Variants in LRP6 observed in about 807,000 individuals in gnomAD.
LRP6 encodes LDL receptor related protein 6.
LRP6 carries 43 observed loss-of-function variants against 184.1 expected under a neutral mutation model. The observed-to-expected ratio is 0.23, with a 90% confidence interval of 0.18 to 0.30. The LOEUF (loss-of-function observed/expected upper bound fraction) is 0.30, where lower values mean the gene tolerates loss of function less well. Among genes scored for constraint, LRP6 ranks in the 10% least tolerant of loss-of-function variants. LRP6 has a pLI of 1.00. For synonymous variants in LRP6, 719 were observed against 684.9 expected (o/e 1.05, Z -0.78); for missense variants, 1,571 against 2,005.3 (o/e 0.78, Z 4.14).
At chr12:12,186,508 G>A (rs910694295) in intron 4 of LRP6, among the ~76,000 whole-genome samples, 23 of 148,372 alleles carry the variant, frequency 1.6e-4, no homozygotes, top group Admixed American at 1.1e-3. Context: ...CCTCCCAAGC[G>A]GCTGGGACTA....
chr12:12,199,293 C>G (rs1238138297), intron 3 of LRP6, among the ~76,000 whole-genome samples: 1 of 152,058 alleles, frequency 6.6e-6, no homozygotes, highest in Admixed American at 6.6e-5. Flanking sequence ...AAAAGCAGCT[C>G]TGTCAACTAG....
intron 2 of LRP6, among the ~76,000 whole-genome samples, chr12:12,230,727 C>T (rs1565684083): frequency 6.6e-6 from 1 of 152,184 alleles, no homozygotes; most frequent in East Asian, 1.9e-4. Context: ...AAAAAGACAA[C>T]CAGAAAATAC....
intron 2 of LRP6, among the ~76,000 whole-genome samples, chr12:12,204,581 T>G (rs975627875): frequency 6.6e-6 from 1 of 151,992 alleles, no homozygotes; most frequent in Admixed American, 6.5e-5. Context: ...AAATGAGAAG[T>G]CTAAAAGTCT....
chr12:12,263,996 TG>T (rs201385871), intron 1 of LRP6, among the ~76,000 whole-genome samples: 6,255 of 151,822 alleles, frequency 0.041, 178 homozygotes, highest in Middle Eastern at 0.16. Context: ...TACAAAAAAT[TG>T]GGGGCATAGT....
At chr12:12,156,749 T>G (rs1862589829) in intron 12 of LRP6, among the ~76,000 whole-genome samples, 1 of 152,230 alleles carries the variant, frequency 6.6e-6, no homozygotes, top group South Asian at 2.1e-4. Context: ...CTAATCTCTG[T>G]CTTCGTGCCT....
rs1949534567 is a variant in LRP6 at position 12,117,515 on chromosome 12, G to A, written c.*3611C>T. The A allele has an allele frequency of 6.6e-6, 1 of 152,146 alleles. No homozygotes were observed. The highest frequency in any genetic ancestry group is 1.5e-5 in the Non-Finnish European group (1 of 68,008). 9.4% of individuals were successfully genotyped at this position (152,146 alleles called of 1,614,324 possible). ...CTATGGCATGCAAATGAATGAAGTGGGACAAAGCTTCCCCTACAAGAAATA... is the reference window on the plus strand; with the variant it reads ...CTATGGCATGCAAATGAATGAAGTGAGACAAAGCTTCCCCTACAAGAAATA... On this transcript the variant is annotated 3_prime_UTR_variant, in exon 23 of 23. Transcript: ENST00000261349.
rs756615528 is a variant in LRP6, at chr12:12,159,076, C to T, written c.2544G>A (p.Thr848=). The part of the protein sequence containing the change: ...LTQYQDYIYW[T]DWSRRSIERA... ...GCTCAATGCTGCGTCGGCTCCAGTC[C>T]GTCCAGTAGATATAATCTTGGTACT... is the stretch of plus-strand genomic sequence containing the variant. The change falls in exon 12 of 23, where the codon ACG becomes ACA. Residue 848 remains threonine (T), a synonymous_variant. Transcript: ENST00000261349. The T allele has an allele frequency of 2.0e-5, 32 of 1,613,970 alleles. No individual in the cohort carries two copies. The Admixed American group carries it at 3.5e-4, about 18-fold the overall frequency.
intron 1 of LRP6, among the ~76,000 whole-genome samples, chr12:12,256,542 T>G (rs545107484): frequency 6.6e-6 from 1 of 152,076 alleles, no homozygotes; most frequent in East Asian, 1.9e-4. Context: ...GAGTGGTGGC[T>G]CATGCCTGTA....
chr12:12,209,646 G>A (rs181668894), intron 2 of LRP6, among the ~76,000 whole-genome samples: 37 of 152,110 alleles, frequency 2.4e-4, no homozygotes, highest in African/African-American at 8.2e-4. Flanking sequence ...AAATGTAACC[G>A]AAAAAGCGAT....
chr12:12,208,669 C>T (rs184797043), intron 2 of LRP6, among the ~76,000 whole-genome samples: 79 of 152,222 alleles, frequency 5.2e-4, no homozygotes, highest in African/African-American at 1.5e-3. Context: ...AAGATGAATC[C>T]AGACCTTGTG....
At chr12:12,152,991 C>T (rs1021615675) in intron 12 of LRP6, among the ~76,000 whole-genome samples, 1 of 152,202 alleles carries the variant, frequency 6.6e-6, no homozygotes, top group African/African-American at 2.4e-5. Flanking sequence ...TCCCAATGAT[C>T]CTACTACAAA....
In LRP6 at chr12:12,164,395, G is replaced by C. The variant is rs1184430122; in HGVS notation, c.1930C>G (p.Arg644Gly). Residue 644 changes from arginine to glycine, a missense_variant, in exon 9 of 23, where the codon CGA (arginine) becomes GGA (glycine). Coordinates refer to ENST00000261349, the MANE Select transcript of LRP6 (RefSeq NM_002336.3). ...LLFSRRADIRRISLETNNNNV... is the reference protein window; with the variant it reads ...LLFSRRADIRGISLETNNNNV... The stretch of plus-strand genomic sequence containing the variant: ...TTATTGTTTGTTTCCAGAGAAATTC[G>C]TCTGATATCTGCTCTCCGTGAAAAC... The C allele has an allele frequency of 3.1e-6, 5 of 1,614,108 alleles. No individual in the cohort carries two copies. Among genetic ancestry groups the C allele is most frequent in the Non-Finnish European group, 4.2e-6 (5 of 1,180,024 alleles).
intron 2 of LRP6, among the ~76,000 whole-genome samples, chr12:12,225,143 T>C (rs538623633): frequency 2.0e-5 from 3 of 152,156 alleles, no homozygotes; most frequent in African/African-American, 7.2e-5. Context: ...GGGTGGAGGA[T>C]GGGAGGATGC....
At chr12:12,228,344 A>G (rs910647644) in intron 2 of LRP6, among the ~76,000 whole-genome samples, 1 of 152,156 alleles carries the variant, frequency 6.6e-6, no homozygotes, top group Non-Finnish European at 1.5e-5. Flanking sequence ...AGCCTAGGTG[A>G]CACAGCGAGG....
At position 12,266,966 on chromosome 12, in the gene LRP6, C is replaced by CCGCCTCCTCCCCCGG. The variant is rs1417516043; in HGVS notation, c.-246_-232dup. ...GACGCCAGCGTCTGCTTCCATCCCG[C>CCGCCTCCTCCCCCGG]CGCCTCCTCCCCCGGCGCCCCGCTT... On this transcript the variant is annotated 5_prime_UTR_variant, in exon 1 of 23. Coordinates refer to ENST00000261349, the MANE Select transcript of LRP6 (RefSeq NM_002336.3). 1 of 542,656 alleles carries CCGCCTCCTCCCCCGG rather than the reference C, an allele frequency of 1.8e-6. No individual in the cohort carries two copies. The highest frequency in any genetic ancestry group is 3.2e-6 in the Non-Finnish European group (1 of 311,498). 33.6% of individuals were successfully genotyped at this position (542,656 alleles called of 1,614,324 possible).
chr12:12,154,922 G>C (rs925111696), intron 12 of LRP6, among the ~76,000 whole-genome samples: 1 of 152,174 alleles, frequency 6.6e-6, no homozygotes, highest in Non-Finnish European at 1.5e-5. Context: ...TAGGCCAGGC[G>C]TAGTGGCTCA....
chr12:12,122,169 C>CAT (rs1158758636), intron 22 of LRP6, among the ~76,000 whole-genome samples: 1 of 152,154 alleles, frequency 6.6e-6, no homozygotes, highest in African/African-American at 2.4e-5. Context: ...TTACAAGTGA[C>CAT]ATACAGTTGT....
chr12:12,185,079 G>A (rs1863436619), intron 4 of LRP6, among the ~76,000 whole-genome samples: 1 of 152,102 alleles, frequency 6.6e-6, no homozygotes, highest in South Asian at 2.1e-4. Flanking sequence ...TGGATCACTT[G>A]AGCCCAGGAG....
chr12:12,232,122 G>A (rs761209864), intron 2 of LRP6, among the ~76,000 whole-genome samples: 6 of 151,980 alleles, frequency 3.9e-5, no homozygotes, highest in Non-Finnish European at 5.9e-5. Context: ...GGTGGCTCAC[G>A]ACTGTAATCC....
Sources: allele counts gnomAD v4.1 joint callset (sites outside exome capture counted in the v4.1 genomes callset), GRCh38; gene constraint gnomAD v4.1.1; transcripts MANE v1.5; gene names NCBI Gene and HGNC (gene_info 2026-07-23, HGNC 2026-07-21).